Variants in DGKB observed in about 807,000 individuals in gnomAD.
DGKB encodes the protein diacylglycerol kinase beta, also known as 90 kDa diacylglycerol kinase.
Under a neutral mutation model 114.3 loss-of-function variants are expected in DGKB, and 67 were observed. That is an observed-to-expected ratio of 0.59 (90% CI 0.48 to 0.72). The LOEUF (loss-of-function observed/expected upper bound fraction) is 0.72. DGKB is among the 30% of genes least tolerant of loss of function. DGKB has a pLI of 0.00. For missense variants in DGKB, 907 were observed against 975.2 expected, an observed-to-expected ratio of 0.93 and a Z score of 0.93; for synonymous variants, 398 against 323.1, an observed-to-expected ratio of 1.23 and a Z score of -2.49.
At chr7:14,867,145 G>A (rs1389860772) in intron 1 of DGKB, among the ~76,000 whole-genome samples, 1 of 152,126 alleles carries the variant, frequency 6.6e-6, no homozygotes, top group Non-Finnish European at 1.5e-5. Context: ...TGAGATGTGT[G>A]TTTTGCAAAT....
At chr7:14,934,919 C>A (rs1250778510) in intron 1 of DGKB, among the ~76,000 whole-genome samples, 1 of 152,142 alleles carries the variant, frequency 6.6e-6, no homozygotes, top group East Asian at 1.9e-4. Flanking sequence ...AACTGAATTT[C>A]TTTGCAGCCA....
In DGKB at chr7:14,259,285, T is replaced by C. The variant is rs1377714362; in HGVS notation, c.2122+79230A>G. On this transcript the variant is annotated intron_variant, in intron 23 of 25. Coordinates refer to ENST00000402815, the MANE Select transcript of DGKB (RefSeq NM_001350709.2). The stretch of plus-strand genomic sequence containing the variant: ...TTTATGAGCAAAAATTATGTAAAAA[T>C]GCAATACTGGCAAATTAACAAGGTC... Among the ~76,000 whole-genome samples the C allele has an allele frequency of 3.3e-5, 5 of 151,598 alleles. No individual in the cohort carries two copies. The East Asian group carries it at 7.8e-4, about 24-fold the overall frequency.
chr7:14,438,074 G>A (rs1330551641), intron 21 of DGKB, among the ~76,000 whole-genome samples: 2 of 151,784 alleles, frequency 1.3e-5, no homozygotes, highest in African/African-American at 4.8e-5. Context: ...AAGTTTCCAA[G>A]CAAGTCTCCC....
chr7:14,207,568 C>T (rs999666668), intron 23 of DGKB, among the ~76,000 whole-genome samples: 2 of 151,976 alleles, frequency 1.3e-5, no homozygotes, highest in Non-Finnish European at 2.9e-5. Flanking sequence ...TGGTTCCTGG[C>T]TGTATGGCTT....
intron 5 of DGKB, among the ~76,000 whole-genome samples, chr7:14,729,281 T>TGC (rs1301294041): frequency 1.7e-4 from 25 of 148,940 alleles, no homozygotes; most frequent in Admixed American, 4.6e-4. Flanking sequence ...TGCCACCACA[T>TGC]CCGGCTAATT....
chr7:14,625,132 G>A (rs949936543), intron 14 of DGKB, among the ~76,000 whole-genome samples: 7 of 152,106 alleles, frequency 4.6e-5, no homozygotes, highest in Non-Finnish European at 5.9e-5. Context: ...AATCCTCAGT[G>A]TATCCATCTG....
At chr7:14,169,081 C>T (rs929797333) in intron 25 of DGKB, among the ~76,000 whole-genome samples, 5 of 151,824 alleles carry the variant, frequency 3.3e-5, no homozygotes, top group East Asian at 1.9e-4. Flanking sequence ...AACCATGGGC[C>T]GGGTGCAGTG....
Position 14,852,694 on chromosome 7 carries a change from C to T in DGKB, c.-187-11244G>A, listed in dbSNP as rs189158317. Among the ~76,000 whole-genome samples, 6 of 152,152 alleles carry T rather than the reference C, an allele frequency of 3.9e-5. No individual in the cohort carries two copies. The East Asian group carries it at 7.7e-4, about 20-fold the overall frequency. ...AATAAAGGATAACTCTTTCCTTCCC[C>T]GCCAGGATAGAATACCGATTAAAGA... On this transcript the variant is annotated intron_variant, in intron 1 of 25. Transcript: ENST00000402815.
intron 23 of DGKB, among the ~76,000 whole-genome samples, chr7:14,279,382 A>T (rs1463613924): frequency 6.6e-6 from 1 of 152,112 alleles, no homozygotes; most frequent in Non-Finnish European, 1.5e-5. Context: ...AGCCCACCAC[A>T]GCTCAAGGAG....
chr7:14,919,095 AACACACACAC>A (rs3036019), intron 1 of DGKB, among the ~76,000 whole-genome samples: 5 of 114,920 alleles, frequency 4.4e-5, no homozygotes, highest in Admixed American at 2.6e-4. Context: ...CACACACACA[AACACACACAC>A]ACACACACAC....
chr7:14,613,738 G>A (rs946867718), intron 15 of DGKB, among the ~76,000 whole-genome samples: 2 of 152,006 alleles, frequency 1.3e-5, no homozygotes, highest in African/African-American at 4.8e-5. Flanking sequence ...GACAGTAAGT[G>A]AACAAGCCAG....
intron 13 of DGKB, among the ~76,000 whole-genome samples, chr7:14,658,763 T>C (rs944086880): frequency 1.3e-5 from 2 of 151,778 alleles, no homozygotes; most frequent in Non-Finnish European, 2.9e-5. Context: ...ATTTAAAAAT[T>C]ACGTTTATAA....
Position 14,350,581 on chromosome 7 carries a change from A to G in DGKB, c.1836-5190T>C, listed in dbSNP as rs922905595. ...GCAACAAAAAAGTTTTGACTTAGTGAAACTACTCTGAGAGGTCATATTTTT... is the reference window on the plus strand; with the variant it reads ...GCAACAAAAAAGTTTTGACTTAGTGGAACTACTCTGAGAGGTCATATTTTT... On this transcript the variant is annotated intron_variant, in intron 21 of 25. Transcript: ENST00000402815. 7.9e-5 allele frequency among the ~76,000 whole-genome samples: 12 copies of G among 152,092 alleles called. 1 individual carries two copies. In the Middle Eastern group the frequency reaches 0.01, roughly 129 times the overall value.
At position 14,327,945 on chromosome 7, in the gene DGKB, A is replaced by C. The variant is rs1052527421; in HGVS notation, c.2122+10570T>G. Among the ~76,000 whole-genome samples, 3 of 152,226 alleles carry C rather than the reference A, an allele frequency of 2.0e-5. No individual in the cohort carries two copies. In the East Asian group the frequency reaches 5.8e-4, roughly 29 times the overall value. ...ATGGTTAGCTTATTTCATGGCAAAA[A>C]CATGTTAAAATATGAAATGACTTCT... is the stretch of plus-strand genomic sequence containing the variant. On this transcript the variant is annotated intron_variant, in intron 23 of 25. Transcript: ENST00000402815.
intron 3 of DGKB, among the ~76,000 whole-genome samples, chr7:14,757,431 C>A (rs927784098): frequency 2.0e-5 from 3 of 151,790 alleles, no homozygotes; most frequent in African/African-American, 4.8e-5. Flanking sequence ...TTATGAACTT[C>A]ATTTTGTTTA....
At chr7:14,754,875 C>G (rs1834642686) in intron 3 of DGKB, among the ~76,000 whole-genome samples, 1 of 152,116 alleles carries the variant, frequency 6.6e-6, no homozygotes, top group Non-Finnish European at 1.5e-5. Flanking sequence ...TTCCCCTAAC[C>G]TTTCTCCTTC....
At chr7:14,500,263 T>C (rs898975866) in intron 20 of DGKB, among the ~76,000 whole-genome samples, 7 of 151,974 alleles carry the variant, frequency 4.6e-5, no homozygotes, top group Admixed American at 4.6e-4. Flanking sequence ...CTATAAGTTT[T>C]CTTAAACTTC....
At chr7:14,769,780 C>T (rs764160343) in intron 2 of DGKB, among the ~76,000 whole-genome samples, 4 of 151,964 alleles carry the variant, frequency 2.6e-5, no homozygotes, top group Non-Finnish European at 5.9e-5. Context: ...GCTGGAAATC[C>T]CTGGCAACCT....
chr7:14,171,501 T>A (rs1208190472), intron 25 of DGKB, among the ~76,000 whole-genome samples: 1 of 152,198 alleles, frequency 6.6e-6, no homozygotes, highest in Non-Finnish European at 1.5e-5. Flanking sequence ...TGCAGCTTTT[T>A]GAATGTGCAA....
Sources: allele counts gnomAD v4.1 joint callset (sites outside exome capture counted in the v4.1 genomes callset), GRCh38; gene constraint gnomAD v4.1.1; transcripts MANE v1.5; gene names NCBI Gene and HGNC (gene_info 2026-07-23, HGNC 2026-07-21).